The following ADGRB3 variants were observed in gnomAD, a reference collection of about 807,000 sequenced individuals.
The protein encoded by ADGRB3 is adhesion G protein-coupled receptor B3.
Under a neutral mutation model 193.4 loss-of-function variants are expected in ADGRB3, and 37 were observed. That is an observed-to-expected ratio of 0.19 (90% CI 0.15 to 0.25). The LOEUF (loss-of-function observed/expected upper bound fraction) is 0.25. Among genes scored for constraint, ADGRB3 ranks in the 10% least tolerant of loss-of-function variants. The pLI is 1.00. For missense variants in ADGRB3, 1,637 were observed against 1,852.9 expected (o/e 0.88, Z 2.14); for synonymous variants, 690 against 644.2 (o/e 1.07, Z -1.08).
chr6:68,685,753 C>T (rs891837296), intron 3 of ADGRB3, among the ~76,000 whole-genome samples: 1 of 151,878 alleles, frequency 6.6e-6, no homozygotes, highest in South Asian at 2.1e-4. Context: ...ATTAGCCGGG[C>T]ATGGTGGCAC....
chr6:68,713,319 T>G (rs1765435628), intron 3 of ADGRB3, among the ~76,000 whole-genome samples: 1 of 151,894 alleles, frequency 6.6e-6, no homozygotes, highest in African/African-American at 2.4e-5. Context: ...TTGCTCTCAT[T>G]GAAAATGCTT....
intron 3 of ADGRB3, among the ~76,000 whole-genome samples, chr6:68,885,651 C>T (rs1050988942): frequency 2.0e-5 from 3 of 152,016 alleles, no homozygotes; most frequent in African/African-American, 7.2e-5. Context: ...ATGGTGGCTA[C>T]CAGAAGCCAG....
intron 3 of ADGRB3, among the ~76,000 whole-genome samples, chr6:68,753,201 A>G (rs1208589029): frequency 6.6e-6 from 1 of 152,216 alleles, no homozygotes; most frequent in Non-Finnish European, 1.5e-5. Context: ...AATATCAATG[A>G]ATCTGTAATA....
intron 3 of ADGRB3, among the ~76,000 whole-genome samples, chr6:68,789,669 C>G (rs1398769715): frequency 6.6e-6 from 1 of 152,112 alleles, no homozygotes; most frequent in Non-Finnish European, 1.5e-5. Context: ...TTGTGGCATT[C>G]TCTGTATTTT....
intron 17 of ADGRB3, among the ~76,000 whole-genome samples, chr6:69,107,224 GA>G (rs1773240604): frequency 1.3e-5 from 2 of 152,056 alleles, no homozygotes; most frequent in South Asian, 2.1e-4. Context: ...TTTTTAAATA[GA>G]AAAAAATTAT....
intron 3 of ADGRB3, among the ~76,000 whole-genome samples, chr6:68,850,653 G>A (rs768873892): frequency 6.6e-6 from 1 of 151,892 alleles, no homozygotes; most frequent in East Asian, 1.9e-4. Flanking sequence ...CTTCTCCTAC[G>A]TTTGTTGAGT....
intron 17 of ADGRB3, among the ~76,000 whole-genome samples, chr6:69,201,869 A>G (rs1292378161): frequency 2.0e-5 from 3 of 152,078 alleles, no homozygotes; most frequent in Admixed American, 6.6e-5. Flanking sequence ...AACTTAACAT[A>G]TCTTCTGTTG....
intron 23 of ADGRB3, chr6:69,332,273 G>C: frequency 3.0e-6 from 3 of 985,308 alleles, no homozygotes; most frequent in Non-Finnish European, 2.4e-6. Context: ...GTGAGAATAA[G>C]AAAGTCTTAG....
chr6:68,743,684 A>T (rs1268744447), intron 3 of ADGRB3, among the ~76,000 whole-genome samples: 1 of 152,110 alleles, frequency 6.6e-6, no homozygotes, highest in Non-Finnish European at 1.5e-5. Flanking sequence ...GACACTCAGA[A>T]CTTGCCAGAA....
intron 17 of ADGRB3, chr6:69,232,549 C>T (rs1766166411): frequency 3.3e-6 from 5 of 1,535,494 alleles, no homozygotes; most frequent in African/African-American, 1.4e-5. Context: ...TGCCCCAGGG[C>T]AAAGAAGCAG....
chr6:68,792,594 A>G (rs1767127765), intron 3 of ADGRB3, among the ~76,000 whole-genome samples: 2 of 152,154 alleles, frequency 1.3e-5, no homozygotes, highest in African/African-American at 4.8e-5. Flanking sequence ...CTTCAGGAAC[A>G]TATTTCCTCC....
At chr6:68,874,121 C>T (rs1010647169) in intron 3 of ADGRB3, among the ~76,000 whole-genome samples, 3 of 151,830 alleles carry the variant, frequency 2.0e-5, no homozygotes, top group Non-Finnish European at 2.9e-5. Context: ...TTTTTCACAC[C>T]GTATGACACT....
intron 11 of ADGRB3, among the ~76,000 whole-genome samples, chr6:68,997,399 T>A (rs1167713471): frequency 6.7e-6 from 1 of 149,866 alleles, no homozygotes; most frequent in Admixed American, 6.7e-5. Context: ...TCACAGCACT[T>A]TGGGAGGTCA....
At chr6:69,358,392 A>G (rs1281974145) in intron 28 of ADGRB3, among the ~76,000 whole-genome samples, 1 of 151,954 alleles carries the variant, frequency 6.6e-6, no homozygotes, top group Non-Finnish European at 1.5e-5. Context: ...TCATCTCTGC[A>G]GTATTTATCT....
chr6:69,042,289 A>T (rs1017740824), intron 13 of ADGRB3, among the ~76,000 whole-genome samples: 1 of 152,160 alleles, frequency 6.6e-6, no homozygotes, highest in African/African-American at 2.4e-5. Context: ...GAACAGCCTA[A>T]TACACTAAGA....
At chr6:69,333,265 G>T (rs150489679) in intron 24 of ADGRB3, among the ~76,000 whole-genome samples, 1 of 152,120 alleles carries the variant, frequency 6.6e-6, no homozygotes, top group Non-Finnish European at 1.5e-5. Context: ...AGATAAGAAC[G>T]TTAAACATTA....
intron 20 of ADGRB3, among the ~76,000 whole-genome samples, chr6:69,301,804 TA>T (rs1767954649): frequency 6.6e-6 from 1 of 151,954 alleles, no homozygotes; most frequent in African/African-American, 2.4e-5. Context: ...TTTCACAAAA[TA>T]TTTTTTAATC....
intron 26 of ADGRB3, among the ~76,000 whole-genome samples, chr6:69,353,246 C>G (rs1769265958): frequency 6.6e-6 from 1 of 152,152 alleles, no homozygotes; most frequent in African/African-American, 2.4e-5. Flanking sequence ...GTTCTTAGAA[C>G]TTTCGTGAGA....
At chr6:69,001,394 T>G (rs1270838859) in intron 11 of ADGRB3, among the ~76,000 whole-genome samples, 1 of 152,204 alleles carries the variant, frequency 6.6e-6, no homozygotes, top group Non-Finnish European at 1.5e-5. Flanking sequence ...TGAGGCCACA[T>G]AAAAGAGTTT....
Sources: allele counts gnomAD v4.1 joint callset (sites outside exome capture counted in the v4.1 genomes callset), GRCh38; gene constraint gnomAD v4.1.1; transcripts MANE v1.5; gene names NCBI Gene and HGNC (gene_info 2026-07-23, HGNC 2026-07-21).